BEND6: variants seen among roughly 807,000 people sequenced by gnomAD.
BEND6 encodes the protein BEN domain-containing protein 6.
Under a neutral mutation model 31.8 loss-of-function variants are expected in BEND6, and 24 were observed. That is an observed-to-expected ratio of 0.75 (90% CI 0.55 to 1.06). BEND6 has a LOEUF of 1.06. Among genes scored for constraint, BEND6 ranks in the 50% least tolerant of loss-of-function variants. The pLI is 0.00. For synonymous variants in BEND6, 109 were observed against 114.6 expected, an observed-to-expected ratio of 0.95 and a Z score of 0.31; for missense variants, 294 against 327.4, an observed-to-expected ratio of 0.90 and a Z score of 0.79.
intron 1 of BEND6, among the ~76,000 whole-genome samples, chr6:56,973,424 A>T (rs571515604): frequency 2.6e-5 from 4 of 152,306 alleles, no homozygotes; most frequent in South Asian, 4.1e-4. Flanking sequence ...GGTTGTACCG[A>T]ACTCTATATA....
chr6:57,021,696 C>T (rs1321257897), intron 6 of BEND6, among the ~76,000 whole-genome samples: 1 of 152,122 alleles, frequency 6.6e-6, no homozygotes, highest in African/African-American at 2.4e-5. Flanking sequence ...TAGGCTATCA[C>T]CTCTATAACA....
intron 3 of BEND6, chr6:57,009,222 CTG>C (rs1827265172): frequency 6.6e-6 from 1 of 151,956 alleles, no homozygotes; most frequent in South Asian, 2.1e-4. Flanking sequence ...TTCAATACCC[CTG>C]TGGGATTACT....
intron 2 of BEND6, among the ~76,000 whole-genome samples, chr6:56,985,539 T>C (rs1238829684): frequency 6.6e-6 from 1 of 152,148 alleles, no homozygotes; most frequent in Non-Finnish European, 1.5e-5. Context: ...AAGGCATGCT[T>C]GTTCTTTTAA....
intron 4 of BEND6, among the ~76,000 whole-genome samples, chr6:57,016,262 C>T (rs533326913): frequency 1.3e-5 from 2 of 152,286 alleles, no homozygotes; most frequent in East Asian, 1.9e-4. Flanking sequence ...TATTAACTAA[C>T]AATCTGACAT....
chr6:57,008,224 A>T, intron 3 of BEND6: 1 of 702,938 alleles, frequency 1.4e-6, no homozygotes, highest in Non-Finnish European at 2.6e-6. Context: ...GAATGTGTTC[A>T]AACAGCTGCC....
chr6:57,026,034 G>A (rs1827891048), intron 6 of BEND6, 48 bp from the exon 7 acceptor site: 2 of 152,054 alleles, frequency 1.3e-5, no homozygotes, highest in Admixed American at 6.5e-5. Context: ...AAAATACTAC[G>A]AGAATGTTAA....
At chr6:57,022,234 C>T (rs1310887903) in intron 6 of BEND6, among the ~76,000 whole-genome samples, 1 of 127,588 alleles carries the variant, frequency 7.8e-6, no homozygotes, top group African/African-American at 3.0e-5. Context: ...TTTGTAGATT[C>T]AGGGGTAAAG....
chr6:56,993,989 C>A (rs1181678135), intron 3 of BEND6, among the ~76,000 whole-genome samples: 1 of 152,020 alleles, frequency 6.6e-6, no homozygotes. Flanking sequence ...TGTGAGCCAC[C>A]GTACCTGGCC....
intron 2 of BEND6, among the ~76,000 whole-genome samples, chr6:56,991,714 AG>A (rs1430007927): frequency 6.6e-5 from 10 of 152,116 alleles, no homozygotes; most frequent in Admixed American, 3.3e-4. Flanking sequence ...TATATACAGA[AG>A]AATACACATA....
intron 3 of BEND6, among the ~76,000 whole-genome samples, chr6:57,005,293 A>G (rs1827115897): frequency 6.6e-6 from 1 of 152,224 alleles, no homozygotes; most frequent in South Asian, 2.1e-4. Flanking sequence ...CAATTATAAA[A>G]TATCTACTAA....
At chr6:57,023,964 A>G (rs1049126540) in intron 6 of BEND6, among the ~76,000 whole-genome samples, 39 of 152,218 alleles carry the variant, frequency 2.6e-4, no homozygotes, top group African/African-American at 9.2e-4. Flanking sequence ...TAGTGAATCT[A>G]TTAAAGGTTT....
intron 1 of BEND6, among the ~76,000 whole-genome samples, chr6:56,962,170 G>A (rs1395611479): frequency 1.3e-5 from 2 of 152,126 alleles, no homozygotes; most frequent in Non-Finnish European, 2.9e-5. Flanking sequence ...CAGCAAGACA[G>A]CAAGACACTC....
intron 3 of BEND6, among the ~76,000 whole-genome samples, chr6:56,992,851 G>T (rs898023354): frequency 3.9e-5 from 6 of 152,118 alleles, no homozygotes; most frequent in African/African-American, 1.4e-4. Flanking sequence ...GACTCACAGT[G>T]CTAAGCCCTA....
intron 2 of BEND6, among the ~76,000 whole-genome samples, chr6:56,985,232 G>T (rs1182882319): frequency 6.6e-6 from 1 of 152,112 alleles, no homozygotes; most frequent in South Asian, 2.1e-4. Context: ...TTAGGTATTC[G>T]TACTTCTGGG....
intron 1 of BEND6, among the ~76,000 whole-genome samples, chr6:56,959,563 A>G (rs984622708): frequency 3.3e-5 from 5 of 152,318 alleles, no homozygotes; most frequent in South Asian, 2.1e-4. Context: ...ATTAAAAGGT[A>G]AAGGAGCTAT....
At chr6:56,966,058 C>G (rs1241119521) in intron 1 of BEND6, among the ~76,000 whole-genome samples, 1 of 152,058 alleles carries the variant, frequency 6.6e-6, no homozygotes, top group African/African-American at 2.4e-5. Flanking sequence ...TGATTTTACT[C>G]CTCTCTAGGC....
intron 1 of BEND6, among the ~76,000 whole-genome samples, chr6:56,962,851 C>T (rs1825337218): frequency 6.6e-6 from 1 of 152,202 alleles, no homozygotes; most frequent in African/African-American, 2.4e-5. Context: ...ATAACATGCA[C>T]TGGTCATCCT....
At chr6:56,982,729 C>T (rs1034756754) in intron 2 of BEND6, among the ~76,000 whole-genome samples, 1 of 152,016 alleles carries the variant, frequency 6.6e-6, no homozygotes, top group Admixed American at 6.6e-5. Context: ...ATCCCTGTCT[C>T]CCACCTACCC....
intron 1 of BEND6, among the ~76,000 whole-genome samples, chr6:56,965,651 G>A (rs1825447341): frequency 6.9e-6 from 1 of 145,696 alleles, no homozygotes; most frequent in African/African-American, 2.6e-5. Context: ...GACAAAGCGA[G>A]ATCCTGTCAC....
Sources: allele counts gnomAD v4.1 joint callset (sites outside exome capture counted in the v4.1 genomes callset), GRCh38; gene constraint gnomAD v4.1.1; transcripts MANE v1.5; gene names NCBI Gene and HGNC (gene_info 2026-07-23, HGNC 2026-07-21).